SNAPC3: variants seen among roughly 807,000 people sequenced by gnomAD.
SNAPC3 encodes the protein snRNA-activating protein complex subunit 3.
SNAPC3 carries 56 observed loss-of-function variants against 47.7 expected under a neutral mutation model. The ratio of observed to expected loss-of-function variants is 1.18; its 90% CI spans 0.95 to 1.47. SNAPC3 has a LOEUF of 1.47. Among genes scored for constraint, SNAPC3 ranks in the 40% most tolerant of loss-of-function variants. SNAPC3 has a pLI of 0.00. For missense variants in SNAPC3, 665 were observed against 511.3 expected (o/e 1.30, Z -2.90); for synonymous variants, 235 against 189.9 (o/e 1.24, Z -1.95).
At position 15,453,152 on chromosome 9, in the gene SNAPC3, C is replaced by T. The variant is rs374095519; in HGVS notation, c.927C>T (p.Tyr309=). The T allele has an allele frequency of 1.1e-5, 17 of 1,613,134 alleles. No homozygotes were observed. In the African/African-American group the frequency reaches 2.0e-4, roughly 19 times the overall value. The change falls in exon 7 of 9, where the codon TAC becomes TAT. Residue 309 remains tyrosine, a synonymous_variant. Coordinates refer to ENST00000380821, the MANE Select transcript of SNAPC3 (RefSeq NM_001039697.2). The part of the protein sequence containing the change: ...NDLCIKLGFP[Y]LYCHQGDCEH... ...TGTGTATTAAACTGGGTTTTCCTTA[C>T]TTATACTGTCATCAGGGAGACTGTG...
chr9:15,430,836 C>T (rs896105979), intron 2 of SNAPC3, among the ~76,000 whole-genome samples: 1 of 152,118 alleles, frequency 6.6e-6, no homozygotes, highest in East Asian at 1.9e-4. Flanking sequence ...CCAGTACATT[C>T]TATTAAGTGA....
chr9:15,430,633 C>CTT (rs2032017456), intron 2 of SNAPC3, among the ~76,000 whole-genome samples: 1 of 152,174 alleles, frequency 6.6e-6, no homozygotes, highest in Non-Finnish European at 1.5e-5. Context: ...GTGTTCAATA[C>CTT]TTACTAGTGA....
intron 2 of SNAPC3, among the ~76,000 whole-genome samples, chr9:15,424,539 AC>A (rs2031075854): frequency 6.6e-6 from 1 of 151,202 alleles, no homozygotes; most frequent in African/African-American, 2.5e-5. Flanking sequence ...ATTAAAAAAG[AC>A]AAACACAATA....
rs1327856498 is a variant in SNAPC3 at position 15,453,094 on chromosome 9, C to G, written c.869C>G (p.Thr290Ser). ...GATAGAGGCTATGGAAAGTTTCAGA[C>G]TGCTAGAATGGAAGATTTCACCTTC... is the stretch of plus-strand genomic sequence containing the variant. ...SHDRGYGKFQ[T>S]ARMEDFTFND... is the part of the protein sequence containing the mutation. The change falls in exon 7 of 9, where the codon ACT becomes AGT. Residue 290 changes from threonine to serine, a missense_variant. Thr to Ser is a moderately conservative substitution (Grantham distance 58, BLOSUM62 1). Coordinates refer to ENST00000380821, the MANE Select transcript of SNAPC3 (RefSeq NM_001039697.2). The G allele has an allele frequency of 6.2e-7, 1 of 1,613,400 alleles. No individual in the cohort carries two copies. Among genetic ancestry groups the G allele is most frequent in the Non-Finnish European group, 8.5e-7 (1 of 1,179,344 alleles).
chr9:15,438,802 G>A (rs1403380061), intron 3 of SNAPC3, among the ~76,000 whole-genome samples: 2 of 152,054 alleles, frequency 1.3e-5, no homozygotes, highest in Non-Finnish European at 2.9e-5. Flanking sequence ...ACATGCACTT[G>A]AGAAGAACCT....
chr9:15,423,635 T>C (rs1223290515), intron 1 of SNAPC3, among the ~76,000 whole-genome samples: 2 of 152,224 alleles, frequency 1.3e-5, no homozygotes, highest in African/African-American at 4.8e-5. Flanking sequence ...ATTCTGTTAC[T>C]GAAATATTTC....
intron 2 of SNAPC3, among the ~76,000 whole-genome samples, chr9:15,428,766 C>G (rs1421170539): frequency 6.6e-6 from 1 of 151,214 alleles, no homozygotes; most frequent in African/African-American, 2.4e-5. Flanking sequence ...GAAATGAAAG[C>G]AAGAGGCAAT....
At chr9:15,437,676 T>A (rs2032957065) in intron 3 of SNAPC3, among the ~76,000 whole-genome samples, 1 of 151,956 alleles carries the variant, frequency 6.6e-6, no homozygotes, top group Non-Finnish European at 1.5e-5. Context: ...TTATATTGAT[T>A]GACTTGCTAA....
chr9:15,463,864 G>A (rs1317932728), downstream of SNAPC3: 1 of 152,704 alleles, frequency 6.5e-6, no homozygotes, highest in African/African-American at 2.4e-5. Flanking sequence ...GATCTGGTGG[G>A]TCATGGGAAG....
At chr9:15,466,117 C>T (rs1298870996), downstream of SNAPC3, among the ~76,000 whole-genome samples, 3 of 151,478 alleles carry the variant, frequency 2.0e-5, no homozygotes, top group Non-Finnish European at 4.4e-5. Context: ...TGTTGGCTCA[C>T]AGCTGTAATC....
At chr9:15,447,350 C>G in intron 5 of SNAPC3, 106 bp downstream of exon 5, 1 of 961,996 alleles carries the variant, frequency 1.0e-6, no homozygotes, top group East Asian at 2.5e-5. Flanking sequence ...TCTTCTCCTG[C>G]GGGATTCCAT....
At chr9:15,458,168 T>A in intron 8 of SNAPC3, 101 bp downstream of exon 8, 1 of 621,852 alleles carries the variant, frequency 1.6e-6, no homozygotes, top group Non-Finnish European at 2.7e-6. Flanking sequence ...TACTTTAGGT[T>A]ATAAATATGA....
intron 3 of SNAPC3, 49 bp downstream of exon 3, chr9:15,433,685 C>T: frequency 8.6e-7 from 1 of 1,162,994 alleles, no homozygotes. Flanking sequence ...AAACAGTAAA[C>T]CGACATTGGC....
chr9:15,444,640 A>T lies in SNAPC3; in HGVS notation c.516A>T (p.Ala172=). 1 of 1,613,156 alleles carries T rather than the reference A, an allele frequency of 6.2e-7. No individual in the cohort carries two copies. The highest frequency in any genetic ancestry group is 8.5e-7 in the Non-Finnish European group (1 of 1,179,132). The part of the protein sequence containing the change: ...HAIGKKPENS[A]DMIEEGELIL... ...TAGGAAAAAAGCCTGAAAATTCAGC[A>T]GACATGATTGAAGAAGGGGAGCTTA... The change falls in exon 4 of 9, where the codon GCA becomes GCT. Residue 172 remains alanine (A), a synonymous_variant. Coordinates refer to ENST00000380821, the MANE Select transcript of SNAPC3 (RefSeq NM_001039697.2).
downstream of SNAPC3, chr9:15,465,059 A>C: frequency 4.4e-6 from 1 of 225,484 alleles, no homozygotes; most frequent in East Asian, 6.6e-5. Context: ...CATTTTATCT[A>C]CCATAAAAAT....
intron 3 of SNAPC3, 79 bp downstream of exon 3, chr9:15,433,715 T>C (rs2032458748): frequency 3.4e-6 from 3 of 876,890 alleles, no homozygotes. Context: ...GTAATGACAG[T>C]ATGGTAGCTT....
At chr9:15,466,167 C>G (rs750885996), downstream of SNAPC3, among the ~76,000 whole-genome samples, 49 of 152,220 alleles carry the variant, frequency 3.2e-4, no homozygotes, top group Non-Finnish European at 4.9e-4. Context: ...CACCTGAGGT[C>G]AGGAGTTCGA....
At chr9:15,448,267 T>TA (rs1466797604) in intron 5 of SNAPC3, among the ~76,000 whole-genome samples, 1 of 151,996 alleles carries the variant, frequency 6.6e-6, no homozygotes, top group East Asian at 1.9e-4. Context: ...GGCTGACATA[T>TA]AAGGCCTTTT....
At chr9:15,463,271 C>A (rs938675340), downstream of SNAPC3, 8 of 123,788 alleles carry the variant, frequency 6.5e-5, no homozygotes, top group East Asian at 2.0e-3. Context: ...GTCTCCCAGG[C>A]TGGAGTGCAG....
Sources: gnomAD v4.1 joint callset for allele counts (sites outside exome capture counted in the v4.1 genomes callset) on GRCh38, gnomAD v4.1.1 for gene constraint, MANE v1.5 for transcripts, NCBI Gene and HGNC (gene_info 2026-07-23, HGNC 2026-07-21) for gene names.